Variants in NTNG1 observed in about 807,000 individuals in gnomAD.
The protein encoded by NTNG1 is netrin G1.
Under a neutral mutation model 54.0 loss-of-function variants are expected in NTNG1, and 16 were observed. The ratio of observed to expected loss-of-function variants is 0.30; its 90% CI spans 0.20 to 0.45. The LOEUF is 0.45. NTNG1 is among the 20% of genes least tolerant of loss of function. The pLI is 1.00. For synonymous variants in NTNG1, 255 were observed against 263.1 expected (o/e 0.97, Z 0.30); for missense variants, 530 against 678.7 (o/e 0.78, Z 2.43).
intron 7 of NTNG1, among the ~76,000 whole-genome samples, chr1:107,458,851 A>C (rs182127541): frequency 6.6e-6 from 1 of 152,088 alleles, no homozygotes; most frequent in Non-Finnish European, 1.5e-5. Context: ...CTGGTGTCCT[A>C]TTTGCTGGAT....
At chr1:107,226,676 C>G (rs1034272252) in intron 2 of NTNG1, among the ~76,000 whole-genome samples, 3 of 152,100 alleles carry the variant, frequency 2.0e-5, no homozygotes, top group African/African-American at 7.2e-5. Context: ...CTTTGACTGT[C>G]TATACTTTCA....
At chr1:107,332,264 G>A (rs551329103) in intron 3 of NTNG1, among the ~76,000 whole-genome samples, 60 of 151,996 alleles carry the variant, frequency 3.9e-4, no homozygotes, top group African/African-American at 1.3e-3. Context: ...AAAACAATCC[G>A]GTTTAGGAGC....
chr1:107,177,796 T>C (rs1039561389), intron 2 of NTNG1, among the ~76,000 whole-genome samples: 1 of 152,242 alleles, frequency 6.6e-6, no homozygotes, highest in African/African-American at 2.4e-5. Context: ...GCCTTTTTTC[T>C]TCCCTTTTTT....
chr1:107,219,261 G>A (rs1263223508), intron 2 of NTNG1, among the ~76,000 whole-genome samples: 1 of 151,940 alleles, frequency 6.6e-6, no homozygotes, highest in African/African-American at 2.4e-5. Context: ...ATTTCCAGAA[G>A]TTGTGATTGT....
chr1:107,313,570 C>T (rs1289778705), intron 2 of NTNG1, among the ~76,000 whole-genome samples: 2 of 151,958 alleles, frequency 1.3e-5, no homozygotes, highest in East Asian at 3.9e-4. Flanking sequence ...TTATGTAGAG[C>T]TAGGAGGGAA....
chr1:107,359,142 G>A (rs1273874740), intron 3 of NTNG1, among the ~76,000 whole-genome samples: 1 of 152,152 alleles, frequency 6.6e-6, no homozygotes, highest in Non-Finnish European at 1.5e-5. Flanking sequence ...GAGCTGTTGG[G>A]GAGAACGGGT....
In NTNG1 at chr1:107,484,042, C is replaced by T. The variant is rs966974145; in HGVS notation, c.*3202C>T. Among the ~76,000 whole-genome samples the T allele has an allele frequency of 6.6e-6, 1 of 152,168 alleles. No individual in the cohort carries two copies. Among genetic ancestry groups the T allele is most frequent in the Non-Finnish European group, 1.5e-5 (1 of 68,038 alleles). ...AGTTTCCTACTCAGATAACCGCCCC[C>T]CACACGCACACTTTTAGGCCAAATG... On this transcript the variant is annotated 3_prime_UTR_variant, in exon 8 of 8. Coordinates refer to ENST00000370068, the MANE Select transcript of NTNG1 (RefSeq NM_001113226.3).
At chr1:107,209,486 GTCT>G (rs911117864) in intron 2 of NTNG1, among the ~76,000 whole-genome samples, 2 of 152,176 alleles carry the variant, frequency 1.3e-5, no homozygotes, top group African/African-American at 2.4e-5. Context: ...GGTAAGAGAA[GTCT>G]TCTTGCATTG....
chr1:107,249,011 T>G (rs1208810262), intron 2 of NTNG1, among the ~76,000 whole-genome samples: 1 of 142,666 alleles, frequency 7.0e-6, no homozygotes, highest in Non-Finnish European at 1.5e-5. Flanking sequence ...AAAAAAAAAA[T>G]TAGCTGGGCA....
At chr1:107,444,766 TGCAG>T in intron 7 of NTNG1, among the ~76,000 whole-genome samples, 1 of 152,074 alleles carries the variant, frequency 6.6e-6, no homozygotes, top group Admixed American at 6.6e-5. Context: ...CATGGAAAAA[TGCAG>T]GCACAGTTTT....
chr1:107,323,778 C>CA (rs35333372), intron 2 of NTNG1, among the ~76,000 whole-genome samples: 4 of 151,710 alleles, frequency 2.6e-5, no homozygotes, highest in African/African-American at 7.3e-5. Context: ...CAGGGAAAGC[C>CA]AAAAAAAAAG....
chr1:107,275,964 G>A (rs1383044343), intron 2 of NTNG1, among the ~76,000 whole-genome samples: 2 of 152,216 alleles, frequency 1.3e-5, no homozygotes. Context: ...TCCTGAGAAT[G>A]CCACAACACT....
intron 3 of NTNG1, among the ~76,000 whole-genome samples, chr1:107,326,692 A>T (rs1208168421): frequency 6.6e-6 from 1 of 152,090 alleles, no homozygotes; most frequent in Non-Finnish European, 1.5e-5. Flanking sequence ...AGTTTAAAAA[A>T]TACTTAATCT....
At chr1:107,252,950 T>A (rs1333913751) in intron 2 of NTNG1, among the ~76,000 whole-genome samples, 1 of 152,216 alleles carries the variant, frequency 6.6e-6, no homozygotes, top group Non-Finnish European at 1.5e-5. Flanking sequence ...GCATGGATCC[T>A]GTCACCGTCT....
At chr1:107,241,398 C>T (rs1033242012) in intron 2 of NTNG1, among the ~76,000 whole-genome samples, 15 of 152,112 alleles carry the variant, frequency 9.9e-5, no homozygotes, top group African/African-American at 3.4e-4. Flanking sequence ...AAGGAGGAAG[C>T]GGTAATATTT....
chr1:107,431,444 T>C (rs1675260067), intron 6 of NTNG1, among the ~76,000 whole-genome samples: 1 of 152,190 alleles, frequency 6.6e-6, no homozygotes, highest in Admixed American at 6.5e-5. Flanking sequence ...TCTTCATCCA[T>C]AGCAATGAAA....
At chr1:107,408,616 A>T (rs1673597384) in intron 5 of NTNG1, 1 of 139,360 alleles carries the variant, frequency 7.2e-6, no homozygotes, top group Admixed American at 7.2e-5. Flanking sequence ...TTACAGAGCA[A>T]AATTTTAAAT....
chr1:107,234,894 G>A (rs975514698), intron 2 of NTNG1, among the ~76,000 whole-genome samples: 15 of 152,308 alleles, frequency 9.8e-5, no homozygotes, highest in African/African-American at 3.4e-4. Context: ...AAGGGGACAG[G>A]ATACAGAAAG....
At chr1:107,394,939 A>G (rs1288200463) in intron 3 of NTNG1, among the ~76,000 whole-genome samples, 1 of 152,114 alleles carries the variant, frequency 6.6e-6, no homozygotes, top group Non-Finnish European at 1.5e-5. Flanking sequence ...CTCAATGTAC[A>G]GTGTAAGGAC....
Sources: allele counts gnomAD v4.1 joint callset (sites outside exome capture counted in the v4.1 genomes callset), GRCh38; gene constraint gnomAD v4.1.1; transcripts MANE v1.5; gene names NCBI Gene and HGNC (gene_info 2026-07-23, HGNC 2026-07-21).